Variants in MLIP observed in about 807,000 individuals in gnomAD.
MLIP encodes muscular LMNA interacting protein.
In MLIP, 79 loss-of-function variants were observed where a neutral mutation model predicts 84.8. The observed-to-expected ratio is 0.93, with a 90% CI of 0.78 to 1.12. The LOEUF (loss-of-function observed/expected upper bound fraction) is 1.12, where lower values mean the gene tolerates loss of function less well. Among genes scored for constraint, MLIP ranks in the 50% most tolerant of loss-of-function variants. The pLI is 0.00. For synonymous variants in MLIP, 504 were observed against 463.0 expected (o/e 1.09, Z -1.14); for missense variants, 1,257 against 1,160.6 (o/e 1.08, Z -1.21).
intron 12 of MLIP, among the ~76,000 whole-genome samples, chr6:54,246,626 A>G (rs9296741): frequency 0.33 from 49,791 of 151,738 alleles, 11,635 homozygotes; most frequent in African/African-American, 0.67. Context: ...CCTTAATTCT[A>G]CCATATTATC....
At position 54,137,760 on chromosome 6, in the gene MLIP, G is replaced by A. The variant is rs925913263; in HGVS notation, c.1691G>A (p.Ser564Asn). The change falls in exon 4 of 14, where the codon AGT (serine) becomes AAT (asparagine). Residue 564 changes from serine (S) to asparagine (N), a missense_variant. By Grantham distance (46) the Ser-to-Asn change is conservative. Transcript: ENST00000502396. The stretch of plus-strand genomic sequence containing the variant: ...AGCTCTTCTCTTTCCTCTTTGAAGA[G>A]TAAACAGGATGGTGACCTCAGGGGT... ...PPSSSLSSLK[S>N]KQDGDLRGPE... is the part of the protein sequence containing the mutation. The A allele has an allele frequency of 3.3e-6, 5 of 1,535,974 alleles. No homozygotes were observed. In the African/African-American group the frequency reaches 5.5e-5, roughly 17 times the overall value.
chr6:54,033,029 C>T (rs1183828708), intron 1 of MLIP, among the ~76,000 whole-genome samples: 1 of 152,230 alleles, frequency 6.6e-6, no homozygotes, highest in East Asian at 1.9e-4. Context: ...TATTTCAGGA[C>T]ATTACTTTTA....
intron 1 of MLIP, among the ~76,000 whole-genome samples, chr6:54,090,729 C>G (rs113506606): frequency 1.3e-4 from 19 of 151,892 alleles, no homozygotes; most frequent in African/African-American, 4.3e-4. Context: ...CACACACACA[C>G]AGCACAGTGG....
intron 4 of MLIP, among the ~76,000 whole-genome samples, chr6:54,143,935 C>T (rs138755952): frequency 8.5e-5 from 13 of 152,050 alleles, no homozygotes; most frequent in South Asian, 4.2e-4. Flanking sequence ...TAAAATGAAA[C>T]AAAATTATGC....
intron 12 of MLIP, among the ~76,000 whole-genome samples, chr6:54,252,923 C>A (rs187252917): frequency 2.0e-5 from 3 of 152,196 alleles, no homozygotes; most frequent in African/African-American, 7.2e-5. Flanking sequence ...CAAAGGATGT[C>A]TTTTAGGCAT....
chr6:54,191,292 A>G lies in MLIP; in HGVS notation c.2589+1378A>G, dbSNP rs926712148. On this transcript the variant is annotated intron_variant, in intron 10 of 13. Transcript: ENST00000502396. ...TCTTGTCATTATTATCCCAATAAAA[A>G]TAATTACAATATATTTATTTGTAAT... is the stretch of plus-strand genomic sequence containing the variant. Among the ~76,000 whole-genome samples the G allele has an allele frequency of 4.6e-5, 7 of 152,342 alleles. No individual in the cohort carries two copies. The East Asian group carries it at 1.3e-3, about 29-fold the overall frequency.
chr6:54,043,971 G>A (rs1360101174), intron 1 of MLIP, among the ~76,000 whole-genome samples: 1 of 152,152 alleles, frequency 6.6e-6, no homozygotes, highest in Admixed American at 6.5e-5. Flanking sequence ...GAACCAAGAC[G>A]AGTCAGATCT....
intron 8 of MLIP, among the ~76,000 whole-genome samples, chr6:54,165,794 A>G (rs1244231296): frequency 6.6e-6 from 1 of 151,946 alleles, no homozygotes; most frequent in Non-Finnish European, 1.5e-5. Context: ...CCCACTCAGA[A>G]TTCATATGTT....
chr6:54,209,832 T>A (rs1779292259), intron 11 of MLIP, among the ~76,000 whole-genome samples: 1 of 152,120 alleles, frequency 6.6e-6, no homozygotes, highest in South Asian at 2.1e-4. Context: ...AACTTAGAGA[T>A]ACAGACACTG....
chr6:54,263,430 T>C (rs551971987), intron 13 of MLIP, among the ~76,000 whole-genome samples: 24 of 152,122 alleles, frequency 1.6e-4, no homozygotes, highest in African/African-American at 5.8e-4. Flanking sequence ...ACATTTGAAA[T>C]CTTTCAGGAA....
intron 10 of MLIP, among the ~76,000 whole-genome samples, chr6:54,192,161 C>A (rs1417203407): frequency 2.0e-5 from 3 of 151,846 alleles, no homozygotes; most frequent in East Asian, 3.9e-4. Context: ...ATAATAATTT[C>A]TCTGCATTTA....
intron 12 of MLIP, among the ~76,000 whole-genome samples, chr6:54,252,309 T>C: frequency 8.4e-6 from 1 of 118,756 alleles, no homozygotes; most frequent in East Asian, 2.4e-4. Context: ...TAATATATAA[T>C]ATAACTATAA....
chr6:54,046,427 A>T (rs892439976), intron 1 of MLIP: 1 of 152,120 alleles, frequency 6.6e-6, no homozygotes, highest in African/African-American at 2.4e-5. Flanking sequence ...ACTACTGTTG[A>T]TATATATTCT....
At chr6:54,262,542 A>G (rs1330515008) in intron 13 of MLIP, among the ~76,000 whole-genome samples, 6 of 152,130 alleles carry the variant, frequency 3.9e-5, no homozygotes, top group Admixed American at 3.3e-4. Context: ...TATCTTTAGG[A>G]CATGGGGTCG....
intron 1 of MLIP, among the ~76,000 whole-genome samples, chr6:54,022,102 T>C (rs145850172): frequency 2.7e-3 from 410 of 152,350 alleles, no homozygotes; most frequent in African/African-American, 9.6e-3. Flanking sequence ...TCCTATCATG[T>C]ATTTTCTAAA....
chr6:54,115,636 C>T (rs907352887), intron 1 of MLIP, among the ~76,000 whole-genome samples: 2 of 152,136 alleles, frequency 1.3e-5, no homozygotes, highest in African/African-American at 2.4e-5. Context: ...GGTTAAGAAG[C>T]GTGGCATTGA....
chr6:54,109,169 T>C (rs533861481), upstream of MLIP, among the ~76,000 whole-genome samples: 2 of 151,662 alleles, frequency 1.3e-5, no homozygotes, highest in South Asian at 2.1e-4. Flanking sequence ...TGTTCTTCAC[T>C]GAATAAAGCT....
intron 1 of MLIP, among the ~76,000 whole-genome samples, chr6:54,036,393 G>A (rs2150293132): frequency 6.6e-6 from 1 of 152,010 alleles, no homozygotes; most frequent in African/African-American, 2.4e-5. Context: ...CCAGTCACCA[G>A]TGTATTAATG....
chr6:54,085,832 G>A (rs555835696), intron 1 of MLIP, among the ~76,000 whole-genome samples: 1 of 152,174 alleles, frequency 6.6e-6, no homozygotes, highest in Non-Finnish European at 1.5e-5. Flanking sequence ...TCATCTCAAG[G>A]CCTTCATTTA....
Sources: allele counts gnomAD v4.1 joint callset (sites outside exome capture counted in the v4.1 genomes callset), GRCh38; gene constraint gnomAD v4.1.1; transcripts MANE v1.5; gene names NCBI Gene and HGNC (gene_info 2026-07-23, HGNC 2026-07-21).